TMCC1: variants seen among roughly 807,000 people sequenced by gnomAD.
TMCC1 encodes the protein transmembrane and coiled-coil domains protein 1.
A neutral mutation model predicts 52.4 loss-of-function variants in TMCC1; 15 were observed. The observed-to-expected ratio is 0.29, with a 90% CI of 0.19 to 0.44. The LOEUF is 0.44. TMCC1 is among the 20% of genes least tolerant of loss of function. The pLI, the probability that TMCC1 is intolerant of heterozygous loss-of-function variation, is 1.00. For synonymous variants in TMCC1, 279 were observed against 301.9 expected (o/e 0.92, Z 0.79); for missense variants, 503 against 806.0 (o/e 0.62, Z 4.55).
At chr3:129,716,648 C>A (rs1015363214) in intron 4 of TMCC1, among the ~76,000 whole-genome samples, 16 of 151,982 alleles carry the variant, frequency 1.1e-4, no homozygotes, top group African/African-American at 3.1e-4. Flanking sequence ...TGTGCCTGGC[C>A]TCAGCCACTT....
Position 129,692,589 on chromosome 3 carries a change from A to G in TMCC1, c.577-21325T>C, listed in dbSNP as rs73866108. Among the ~76,000 whole-genome samples, 1,135 of 152,302 alleles carry G rather than the reference A, an allele frequency of 7.5e-3. 15 individuals are homozygous for G. Among genetic ancestry groups the G allele is most frequent in the African/African-American group, 0.026 (1,086 of 41,572 alleles). On this transcript the variant is annotated intron_variant, in intron 4 of 6. Transcript: ENST00000393238. Reference sequence around the variant, plus strand: ...TGTGTGTGACTATAGAAAGTCTGCTATGTGTATTTGTGAGCTTTACTAGTC... The same window carrying G: ...TGTGTGTGACTATAGAAAGTCTGCTGTGTGTATTTGTGAGCTTTACTAGTC...
chr3:129,862,755 T>TA (rs1232337555), intron 2 of TMCC1, among the ~76,000 whole-genome samples: 2 of 152,220 alleles, frequency 1.3e-5, no homozygotes, highest in African/African-American at 4.8e-5. Flanking sequence ...CTTACTTACA[T>TA]AAACTTTCCA....
intron 2 of TMCC1, among the ~76,000 whole-genome samples, chr3:129,851,421 G>A (rs999215291): frequency 6.6e-6 from 1 of 152,124 alleles, no homozygotes; most frequent in Non-Finnish European, 1.5e-5. Context: ...AAAAAAATCT[G>A]CTTAGTAAAA....
At chr3:129,778,674 T>TTG (rs66614369) in intron 4 of TMCC1, among the ~76,000 whole-genome samples, 5 of 138,740 alleles carry the variant, frequency 3.6e-5, no homozygotes, top group Non-Finnish European at 6.3e-5. Context: ...TAGATCATGG[T>TTG]GGGGGGGGGG....
intron 4 of TMCC1, among the ~76,000 whole-genome samples, chr3:129,818,439 A>C (rs1173472404): frequency 6.8e-6 from 1 of 146,224 alleles, no homozygotes; most frequent in African/African-American, 2.5e-5. Flanking sequence ...GAAACTTTTA[A>C]AGAAAAGTTT....
Position 129,648,831 on chromosome 3 carries a change from C to T in TMCC1, c.*2650G>A, listed in dbSNP as rs904994602. ...CACAATGAAAGAAACTCAAAAGTAA[C>T]AGGATGGGCAGCAAAAGGTACAGCA... On this transcript the variant is annotated 3_prime_UTR_variant, in exon 7 of 7. Coordinates refer to ENST00000393238, the MANE Select transcript of TMCC1 (RefSeq NM_001017395.5). 22 of 152,062 alleles carry T rather than the reference C, an allele frequency of 1.4e-4. No homozygotes were observed. The highest frequency in any genetic ancestry group is 5.3e-4 in the African/African-American group (22 of 41,384). The allele number at this position is 152,062 out of a possible 1,614,324, so 9.4% of individuals were successfully genotyped here. A position where few individuals can be genotyped will look rare whatever the true frequency, so the allele number is the denominator to read the frequency against.
At chr3:129,794,356 G>C (rs765971191) in intron 4 of TMCC1, 2 of 456,220 alleles carry the variant, frequency 4.4e-6, no homozygotes, top group South Asian at 3.1e-5. Context: ...CTAAAGCGCT[G>C]AACCATGATC....
intron 4 of TMCC1, among the ~76,000 whole-genome samples, chr3:129,718,225 C>T (rs1420407233): frequency 6.6e-6 from 1 of 152,122 alleles, no homozygotes; most frequent in Non-Finnish European, 1.5e-5. Context: ...CATTTGCAGT[C>T]AAGAGAAATG....
rs1244647244 is a variant in TMCC1 at position 129,828,537 on chromosome 3, A to C, written c.-130-29T>G. 7 of 652,470 alleles carry C rather than the reference A, an allele frequency of 1.1e-5. No individual in the cohort carries two copies. The highest frequency in any genetic ancestry group is 1.8e-5 in the Non-Finnish European group (7 of 399,648). 40.4% of individuals were successfully genotyped at this position (652,470 alleles called of 1,614,324 possible). ...ATGTTAAAAACAAAAAAACAAAAAAACAAAAAAAAAACCTTATATTATAAA... is the reference window on the plus strand; with the variant it reads ...ATGTTAAAAACAAAAAAACAAAAAACCAAAAAAAAAACCTTATATTATAAA... On this transcript the variant is annotated intron_variant, in intron 3 of 6. Coordinates refer to ENST00000393238, the MANE Select transcript of TMCC1 (RefSeq NM_001017395.5). The surrounding 1 kb of genome is among the most constrained non-coding windows in gnomAD (Gnocchi z 4.1).
chr3:129,826,241 C>A (rs2107829380), intron 4 of TMCC1, among the ~76,000 whole-genome samples: 1 of 151,834 alleles, frequency 6.6e-6, no homozygotes, highest in East Asian at 1.9e-4. Context: ...GTGGCTCATG[C>A]CTGTAACCTC....
rs80190005 is a variant in TMCC1 at position 129,726,363 on chromosome 3, T to C, written c.577-55099A>G. ...GACTTTTGAGATCATCTGTGTTCTC[T>C]AGGCTACTATTTCTCAACATTAAAA... On this transcript the variant is annotated intron_variant, in intron 4 of 6. Coordinates refer to ENST00000393238, the MANE Select transcript of TMCC1 (RefSeq NM_001017395.5). Among the ~76,000 whole-genome samples the C allele has an allele frequency of 4.9e-3, 721 of 148,146 alleles. 18 individuals are homozygous for C. Among genetic ancestry groups the C allele is most frequent in the East Asian group, 0.035 (171 of 4,950 alleles).
At chr3:129,789,116 G>A (rs1340531137) in intron 4 of TMCC1, among the ~76,000 whole-genome samples, 4 of 152,048 alleles carry the variant, frequency 2.6e-5, no homozygotes, top group African/African-American at 7.2e-5. Context: ...ATTTGAAAAC[G>A]TGCATCCAGT....
At chr3:129,681,734 C>A (rs2089000543) in intron 4 of TMCC1, among the ~76,000 whole-genome samples, 1 of 151,798 alleles carries the variant, frequency 6.6e-6, no homozygotes, top group Admixed American at 6.6e-5. Flanking sequence ...ATGGTAAAAC[C>A]CCGTCTTTAC....
intron 4 of TMCC1, among the ~76,000 whole-genome samples, chr3:129,759,744 C>T (rs1576720542): frequency 2.3e-5 from 2 of 88,666 alleles, no homozygotes; most frequent in Admixed American, 3.6e-4. Context: ...TTTTTTGAGA[C>T]GGAGTGTCGT....
At chr3:129,858,247 C>T (rs2060230977) in intron 2 of TMCC1, among the ~76,000 whole-genome samples, 1 of 152,246 alleles carries the variant, frequency 6.6e-6, no homozygotes, top group Admixed American at 6.5e-5. Context: ...GCTAACACAA[C>T]TTTCTGAACA....
chr3:129,726,199 T>C (rs1376973585), intron 4 of TMCC1, among the ~76,000 whole-genome samples: 2 of 152,182 alleles, frequency 1.3e-5, no homozygotes, highest in African/African-American at 4.8e-5. Flanking sequence ...TAAATTACTA[T>C]CCTCAATGTC....
At chr3:129,870,708 C>T (rs527951354) in intron 2 of TMCC1, among the ~76,000 whole-genome samples, 378 of 23,108 alleles carry the variant, frequency 0.016, 4 homozygotes, top group African/African-American at 0.065. Flanking sequence ...CACTGCACTC[C>T]GCGGGTTGGC....
At chr3:129,767,936 A>G (rs188092747) in intron 4 of TMCC1, among the ~76,000 whole-genome samples, 151 of 152,360 alleles carry the variant, frequency 9.9e-4, no homozygotes, top group African/African-American at 3.4e-3. Flanking sequence ...CACGCCTGTA[A>G]TCTTAGCACT....
chr3:129,704,892 T>G (rs561146775), intron 4 of TMCC1, among the ~76,000 whole-genome samples: 3 of 152,288 alleles, frequency 2.0e-5, no homozygotes, highest in South Asian at 2.1e-4. Context: ...GACAACTTAT[T>G]CCCAGACCTT....
Sources: allele counts gnomAD v4.1 joint callset (sites outside exome capture counted in the v4.1 genomes callset), GRCh38; gene constraint gnomAD v4.1.1; non-coding constraint Gnocchi (gnomAD v3.1); transcripts MANE v1.5; gene names NCBI Gene and HGNC (gene_info 2026-07-23, HGNC 2026-07-21).